Variants in EPB41L3 observed in about 807,000 individuals in gnomAD.
The protein encoded by EPB41L3 is erythrocyte membrane protein band 4.1 like 3.
In EPB41L3, 57 loss-of-function variants were observed where a neutral mutation model predicts 127.1. The ratio of observed to expected loss-of-function variants is 0.45; its 90% CI spans 0.36 to 0.56. The LOEUF (loss-of-function observed/expected upper bound fraction) is 0.56, where lower values mean the gene tolerates loss of function less well. Among genes scored for constraint, EPB41L3 ranks in the 20% least tolerant of loss-of-function variants. The pLI, the probability that EPB41L3 is intolerant of heterozygous loss-of-function variation, is 0.00. For synonymous variants in EPB41L3, 572 were observed against 549.5 expected (o/e 1.04, Z -0.57); for missense variants, 1,273 against 1,372.2 (o/e 0.93, Z 1.14).
At chr18:5,463,297 T>G (rs2084363968) in intron 3 of EPB41L3, among the ~76,000 whole-genome samples, 1 of 152,154 alleles carries the variant, frequency 6.6e-6, no homozygotes, top group Non-Finnish European at 1.5e-5. Context: ...GAAGCACTCA[T>G]CCCCTATTGT....
upstream of EPB41L3, among the ~76,000 whole-genome samples, chr18:5,546,841 A>T (rs1350518242): frequency 1.3e-5 from 2 of 152,192 alleles, no homozygotes; most frequent in Admixed American, 6.5e-5. Flanking sequence ...ATCCTCTCTT[A>T]GTCCTCTCTG....
At chr18:5,419,287 C>T (rs1423832093) in intron 12 of EPB41L3, among the ~76,000 whole-genome samples, 4 of 152,152 alleles carry the variant, frequency 2.6e-5, no homozygotes, top group Non-Finnish European at 5.9e-5. Flanking sequence ...ACTCCATGTA[C>T]TTACAGTCAG....
intron 14 of EPB41L3, among the ~76,000 whole-genome samples, chr18:5,408,571 A>G (rs1017609480): frequency 6.6e-6 from 1 of 151,854 alleles, no homozygotes; most frequent in Non-Finnish European, 1.5e-5. Flanking sequence ...CACCACGCCC[A>G]GCCAATTTTC....
chr18:5,488,804 A>G, intron 2 of EPB41L3, 197 bp downstream of exon 2: 4 of 526,058 alleles, frequency 7.6e-6, no homozygotes, highest in Non-Finnish European at 1.3e-5. Flanking sequence ...AATTAAAAGA[A>G]GGAGTTACCA....
chr18:5,433,759 C>T, intron 7 of EPB41L3, 144 bp downstream of exon 7: 1 of 981,170 alleles, frequency 1.0e-6, no homozygotes, highest in East Asian at 2.4e-5. Context: ...GCTTGCCCAT[C>T]TCAGAATTTT....
intron 3 of EPB41L3, among the ~76,000 whole-genome samples, chr18:5,457,518 A>G (rs907832410): frequency 2.6e-5 from 4 of 151,936 alleles, no homozygotes; most frequent in African/African-American, 9.7e-5. Flanking sequence ...ACTTATTTTA[A>G]CTTCTGTTTT....
At chr18:5,527,923 G>A (rs1618179) in intron 1 of EPB41L3, among the ~76,000 whole-genome samples, 31,422 of 151,976 alleles carry the variant, frequency 0.21, 3,439 homozygotes, top group African/African-American at 0.27. Flanking sequence ...CAACATACAC[G>A]GATCTCAATC....
At chr18:5,496,191 G>A (rs1412816564) in intron 1 of EPB41L3, among the ~76,000 whole-genome samples, 2 of 152,212 alleles carry the variant, frequency 1.3e-5, no homozygotes, top group Non-Finnish European at 1.5e-5. Context: ...TCTTCTATGC[G>A]TGAGCAGAAA....
chr18:5,621,079 G>A (rs1338301533), intron 1 of EPB41L3, among the ~76,000 whole-genome samples: 1 of 152,124 alleles, frequency 6.6e-6, no homozygotes, highest in Admixed American at 6.5e-5. Context: ...CAGACCTCAG[G>A]GAAGCAGGAG....
chr18:5,505,571 A>T (rs1158507612), intron 1 of EPB41L3, among the ~76,000 whole-genome samples: 1 of 50,938 alleles, frequency 2.0e-5, no homozygotes, highest in African/African-American at 8.5e-5. Context: ...TACCCTCCCC[A>T]CCATACCTTC....
intron 1 of EPB41L3, among the ~76,000 whole-genome samples, chr18:5,504,262 G>T (rs1476034274): frequency 1.3e-5 from 2 of 152,086 alleles, no homozygotes; most frequent in Non-Finnish European, 2.9e-5. Flanking sequence ...CTGAGTTGGG[G>T]TCTTGGTCAT....
chr18:5,507,797 T>C (rs1310688486), intron 1 of EPB41L3, among the ~76,000 whole-genome samples: 1 of 152,198 alleles, frequency 6.6e-6, no homozygotes, highest in African/African-American at 2.4e-5. Flanking sequence ...TCCTTAAAAC[T>C]TATGAAATAT....
rs1434491114 is a variant in EPB41L3, at chr18:5,543,403, C to G, written c.-12+510G>C. ...TGAGCGCAGGGCCCCTCCCGCGGCC[C>G]GCCAGCCGCCACCCGCCCGGGCGGC... On this transcript the variant is annotated intron_variant, in intron 1 of 22. Coordinates refer to ENST00000341928, the MANE Select transcript of EPB41L3 (RefSeq NM_012307.5). The surrounding 1 kb of genome is among the most constrained non-coding windows in gnomAD (Gnocchi z 5.2). 3 of 147,226 alleles carry G rather than the reference C, an allele frequency of 2.0e-5. No individual in the cohort carries two copies. Among genetic ancestry groups the G allele is most frequent in the African/African-American group, 7.3e-5 (3 of 40,922 alleles). 9.1% of individuals were successfully genotyped at this position (147,226 alleles called of 1,614,324 possible). A position where few individuals can be genotyped will look rare whatever the true frequency, so the allele number is the denominator to read the frequency against.
At chr18:5,520,348 G>A (rs938460243) in intron 1 of EPB41L3, among the ~76,000 whole-genome samples, 6 of 152,000 alleles carry the variant, frequency 3.9e-5, no homozygotes, top group South Asian at 2.1e-4. Flanking sequence ...AAATAACAAA[G>A]TATAATAATA....
chr18:5,594,668 C>G (rs1719943), intron 3 of EPB41L3, among the ~76,000 whole-genome samples: 2 of 151,942 alleles, frequency 1.3e-5, no homozygotes, highest in African/African-American at 4.8e-5. Flanking sequence ...AAAAAACCAG[C>G]TTTCTAAATT....
At chr18:5,601,771 T>A (rs573246655) in intron 3 of EPB41L3, among the ~76,000 whole-genome samples, 1 of 152,298 alleles carries the variant, frequency 6.6e-6, no homozygotes, top group South Asian at 2.1e-4. Context: ...AAAAACAAAT[T>A]TTCTTTGATG....
chr18:5,615,336 C>T (rs1444356833), intron 1 of EPB41L3, among the ~76,000 whole-genome samples: 2 of 151,920 alleles, frequency 1.3e-5, no homozygotes, highest in Non-Finnish European at 2.9e-5. Context: ...GGGTGAGTGA[C>T]TCACCCTCTG....
At chr18:5,573,161 T>C (rs912850898) in intron 3 of EPB41L3, among the ~76,000 whole-genome samples, 3 of 152,164 alleles carry the variant, frequency 2.0e-5, no homozygotes, top group Admixed American at 2.0e-4. Context: ...CACATCCAAT[T>C]TGTGTAACAT....
At position 5,509,607 on chromosome 18, in the gene EPB41L3, C is replaced by T. The variant is rs967899222; in HGVS notation, c.-11-20413G>A. ...AGGCACTGGCTTCACACAAAGAAACCGTGAAATCAGAGTCAAATTGTTCTG... is the reference window on the plus strand; with the variant it reads ...AGGCACTGGCTTCACACAAAGAAACTGTGAAATCAGAGTCAAATTGTTCTG... On this transcript the variant is annotated intron_variant, in intron 1 of 22. Transcript: ENST00000341928. Among the ~76,000 whole-genome samples the T allele has an allele frequency of 2.0e-5, 3 of 152,274 alleles. No individual in the cohort carries two copies. The East Asian group carries it at 5.8e-4, about 29-fold the overall frequency.
Sources: allele counts gnomAD v4.1 joint callset (sites outside exome capture counted in the v4.1 genomes callset), GRCh38; gene constraint gnomAD v4.1.1; non-coding constraint Gnocchi (gnomAD v3.1); transcripts MANE v1.5; gene names NCBI Gene and HGNC (gene_info 2026-07-23, HGNC 2026-07-21).